Variants in CCBE1 observed in about 807,000 individuals in gnomAD.
CCBE1 encodes collagen and calcium binding EGF domains 1.
In CCBE1, 37 loss-of-function variants were observed where a neutral mutation model predicts 50.0. The observed-to-expected ratio is 0.74, with a 90% CI of 0.57 to 0.97. The LOEUF (loss-of-function observed/expected upper bound fraction) is 0.97. Among genes scored for constraint, CCBE1 ranks in the 50% least tolerant of loss-of-function variants. The pLI, the probability that CCBE1 is intolerant of heterozygous loss-of-function variation, is 0.00. For synonymous variants in CCBE1, 234 were observed against 203.7 expected, an observed-to-expected ratio of 1.15 and a Z score of -1.27; for missense variants, 538 against 523.8, an observed-to-expected ratio of 1.03 and a Z score of -0.26.
intron 2 of CCBE1, among the ~76,000 whole-genome samples, chr18:59,684,761 C>A (rs1170810476): frequency 6.6e-6 from 1 of 152,092 alleles, no homozygotes; most frequent in East Asian, 1.9e-4. Context: ...TTGGAGACTG[C>A]CTGGTTTAAG....
chr18:59,595,583 G>C (rs966382380), intron 2 of CCBE1, among the ~76,000 whole-genome samples: 3 of 152,176 alleles, frequency 2.0e-5, no homozygotes, highest in African/African-American at 7.2e-5. Context: ...TCAACTGAAA[G>C]TATCTTTCCC....
At chr18:59,534,280 A>T (rs1191893575) in intron 2 of CCBE1, among the ~76,000 whole-genome samples, 3 of 152,240 alleles carry the variant, frequency 2.0e-5, no homozygotes, top group Non-Finnish European at 4.4e-5. Context: ...AGAATTTTAA[A>T]AGTTGAAAAT....
Position 59,574,612 on chromosome 18 carries a change from A to G in CCBE1, c.213-94374T>C, listed in dbSNP as rs139953705. Among the ~76,000 whole-genome samples, 124 of 152,354 alleles carry G rather than the reference A, an allele frequency of 8.1e-4. 1 individual carries two copies. Among genetic ancestry groups the G allele is most frequent in the African/African-American group, 2.9e-3 (122 of 41,582 alleles). ...AACTTCTATACTCTATTTTTGAGGAAGAAAGTAGAAATAAAAAATGTGCTG... is the reference window on the plus strand; with the variant it reads ...AACTTCTATACTCTATTTTTGAGGAGGAAAGTAGAAATAAAAAATGTGCTG... On this transcript the variant is annotated intron_variant, in intron 2 of 10. Coordinates refer to ENST00000439986, the MANE Select transcript of CCBE1 (RefSeq NM_133459.4).
intron 3 of CCBE1, among the ~76,000 whole-genome samples, chr18:59,470,285 T>C (rs1031064829): frequency 6.6e-6 from 1 of 152,048 alleles, no homozygotes; most frequent in Non-Finnish European, 1.5e-5. Flanking sequence ...TCAGATCTCG[T>C]GAGACTTATT....
intron 2 of CCBE1, among the ~76,000 whole-genome samples, chr18:59,528,586 C>G (rs1914922258): frequency 1.3e-5 from 2 of 152,116 alleles, no homozygotes. Flanking sequence ...TTGATTTTTT[C>G]TCAATTTTCA....
intron 3 of CCBE1, among the ~76,000 whole-genome samples, chr18:59,473,537 T>C (rs1448965627): frequency 6.6e-6 from 1 of 151,862 alleles, no homozygotes; most frequent in Non-Finnish European, 1.5e-5. Context: ...ATTATTTGGA[T>C]GTTGCATCCC....
At chr18:59,601,550 A>G (rs1158232455) in intron 2 of CCBE1, among the ~76,000 whole-genome samples, 1 of 152,114 alleles carries the variant, frequency 6.6e-6, no homozygotes, top group Non-Finnish European at 1.5e-5. Context: ...ACTCTCATGT[A>G]TGTCTTTATT....
chr18:59,468,009 G>A (rs1020163216), intron 4 of CCBE1, among the ~76,000 whole-genome samples: 1 of 152,216 alleles, frequency 6.6e-6, no homozygotes, highest in Non-Finnish European at 1.5e-5. Context: ...ACTGCCCAGA[G>A]AGAGAGGAGA....
intron 2 of CCBE1, among the ~76,000 whole-genome samples, chr18:59,676,168 C>T (rs565249382): frequency 3.9e-5 from 6 of 152,302 alleles, no homozygotes; most frequent in African/African-American, 9.6e-5. Context: ...GCAAGTTCAC[C>T]GTGTCTATTA....
chr18:59,610,963 G>A (rs1204532332), intron 2 of CCBE1, among the ~76,000 whole-genome samples: 1 of 152,224 alleles, frequency 6.6e-6, no homozygotes, highest in East Asian at 1.9e-4. Flanking sequence ...ATGCCCCAAA[G>A]CCCATGCCCT....
At chr18:59,436,260 G>C in intron 10 of CCBE1, 119 bp from the exon 11 acceptor site, 1 of 870,178 alleles carries the variant, frequency 1.1e-6, no homozygotes, top group East Asian at 2.5e-5. Context: ...TGCCCCAAAT[G>C]GAGCCAATGT....
chr18:59,541,544 G>A (rs1915465238), intron 2 of CCBE1, among the ~76,000 whole-genome samples: 1 of 152,162 alleles, frequency 6.6e-6, no homozygotes, highest in South Asian at 2.1e-4. Flanking sequence ...GATATGTGCA[G>A]TTTCCAGAAA....
rs182034926 is a variant in CCBE1, at chr18:59,657,621, G to A, written c.212+39008C>T. On this transcript the variant is annotated intron_variant, in intron 2 of 10. Transcript: ENST00000439986. ...AAAAACATACATTGGGCCAAGCATG[G>A]TGGCTCACGCCTATAATCCCAGCAC... 3.7e-3 allele frequency among the ~76,000 whole-genome samples: 563 copies of A among 152,344 alleles called. 16 individuals are homozygous for A. Among genetic ancestry groups the A allele is most frequent in the Admixed American group, 0.035 (540 of 15,310 alleles).
At chr18:59,549,791 G>A (rs1915847280) in intron 2 of CCBE1, among the ~76,000 whole-genome samples, 1 of 152,212 alleles carries the variant, frequency 6.6e-6, no homozygotes, top group African/African-American at 2.4e-5. Flanking sequence ...ATTGGTCAGT[G>A]ATTGCACTGA....
intron 2 of CCBE1, among the ~76,000 whole-genome samples, chr18:59,492,301 C>T (rs553287477): frequency 6.6e-6 from 1 of 152,160 alleles, no homozygotes; most frequent in East Asian, 1.9e-4. Flanking sequence ...TTTCAGGTCA[C>T]TAGTGTGACA....
At chr18:59,563,867 G>A (rs1184309418) in intron 2 of CCBE1, 3 of 152,238 alleles carry the variant, frequency 2.0e-5, no homozygotes, top group Non-Finnish European at 4.4e-5. Flanking sequence ...GCAAGCTGGG[G>A]CAGGGAACGT....
At chr18:59,589,027 G>C (rs919450) in intron 2 of CCBE1, among the ~76,000 whole-genome samples, 52,100 of 152,070 alleles carry the variant, frequency 0.34, 9,499 homozygotes, top group East Asian at 0.61. Context: ...AGGATGTCCT[G>C]AAAGTTCCAG....
At position 59,443,034 on chromosome 18, in the gene CCBE1, G is replaced by A. The variant is rs539523309; in HGVS notation, c.776-3218C>T. Among the ~76,000 whole-genome samples the A allele has an allele frequency of 4.6e-5, 7 of 152,126 alleles. No individual in the cohort carries two copies. The East Asian group carries it at 5.8e-4, about 13-fold the overall frequency. On this transcript the variant is annotated intron_variant, in intron 7 of 10. Coordinates refer to ENST00000439986, the MANE Select transcript of CCBE1 (RefSeq NM_133459.4). ...TTAATTCTTTTCAGAGGCCTGTATC[G>A]ACACAGCTCTGAGACCATACCGAGT...
chr18:59,474,738 CT>C (rs1332773810), intron 3 of CCBE1, among the ~76,000 whole-genome samples: 1 of 152,200 alleles, frequency 6.6e-6, no homozygotes, highest in African/African-American at 2.4e-5. Context: ...AGGAGTCTGA[CT>C]TCTTCTTAAA....
Sources: allele counts gnomAD v4.1 joint callset (sites outside exome capture counted in the v4.1 genomes callset), GRCh38; gene constraint gnomAD v4.1.1; transcripts MANE v1.5; gene names NCBI Gene and HGNC (gene_info 2026-07-23, HGNC 2026-07-21).